Variants in PRKG1 observed in about 807,000 individuals in gnomAD.
PRKG1 encodes cGMP-dependent protein kinase 1.
Under a neutral mutation model 88.1 loss-of-function variants are expected in PRKG1, and 35 were observed. The observed-to-expected ratio is 0.40, with a 90% CI of 0.30 to 0.53. The LOEUF (loss-of-function observed/expected upper bound fraction) is 0.53. PRKG1 is among the 20% of genes least tolerant of loss of function. The pLI, the probability that PRKG1 is intolerant of heterozygous loss-of-function variation, is 0.59. For missense variants in PRKG1, 540 were observed against 839.8 expected (o/e 0.64, Z 4.41); for synonymous variants, 303 against 292.5 (o/e 1.04, Z -0.37).
intron 1 of PRKG1, among the ~76,000 whole-genome samples, chr10:51,087,700 C>T (rs16913674): frequency 0.02 from 3,068 of 152,198 alleles, 96 homozygotes; most frequent in East Asian, 0.14. Flanking sequence ...TAGAGACTAG[C>T]GTGCCTTAGT....
At chr10:51,165,552 C>T (rs1049539893) in intron 2 of PRKG1, among the ~76,000 whole-genome samples, 1 of 152,078 alleles carries the variant, frequency 6.6e-6, no homozygotes, top group Middle Eastern at 3.2e-3. Context: ...ACAATATTAA[C>T]TTTAAATGTA....
rs971430330 is a variant in PRKG1 at position 52,298,188 on chromosome 10, T to C, written c.*4288T>C. On this transcript the variant is annotated 3_prime_UTR_variant, in exon 18 of 18. Coordinates refer to ENST00000373980, the MANE Select transcript of PRKG1 (RefSeq NM_006258.4). ...TTGTTAGTCAGAATGCAACAAACTG[T>C]CATCAAATGGTCATTGACCACTTGC... is the stretch of plus-strand genomic sequence containing the variant. 6.6e-6 allele frequency: 1 copy of C among 152,044 alleles called. No individual in the cohort carries two copies. Among genetic ancestry groups the C allele is most frequent in the Admixed American group, 6.6e-5 (1 of 15,216 alleles). The allele number at this position is 152,044 out of a possible 1,614,324, so 9.4% of individuals were successfully genotyped here.
At chr10:51,294,822 C>T (rs1303030561) in intron 2 of PRKG1, among the ~76,000 whole-genome samples, 1 of 152,092 alleles carries the variant, frequency 6.6e-6, no homozygotes, top group Non-Finnish European at 1.5e-5. Flanking sequence ...TCCAGTAATC[C>T]CATCACTTTA....
chr10:51,699,029 T>G, intron 3 of PRKG1: 1 of 1,614,242 alleles, frequency 6.2e-7, no homozygotes, highest in Non-Finnish European at 8.5e-7. Context: ...TACTTGTGCC[T>G]GCAACAGTGC....
intron 2 of PRKG1, among the ~76,000 whole-genome samples, chr10:51,209,028 C>T (rs1359823207): frequency 6.6e-6 from 1 of 152,116 alleles, no homozygotes; most frequent in African/African-American, 2.4e-5. Flanking sequence ...TAAAATGGGT[C>T]TTAAAAATCA....
intron 3 of PRKG1, among the ~76,000 whole-genome samples, chr10:51,666,095 A>G (rs1840415759): frequency 2.0e-5 from 3 of 152,150 alleles, no homozygotes; most frequent in Admixed American, 2.0e-4. Flanking sequence ...GACAAATGAA[A>G]CCTTATGTTT....
At chr10:51,578,980 GTTTTTTTTT>G (rs752412264) in intron 3 of PRKG1, among the ~76,000 whole-genome samples, 1 of 77,832 alleles carries the variant, frequency 1.3e-5, no homozygotes, top group East Asian at 3.2e-4. Context: ...AGTTCTGTTG[GTTTTTTTTT>G]TTTTTTTTTT....
rs1843895245 is a variant in PRKG1 at position 51,074,542 on chromosome 10, C to G, written c.-49C>G. On this transcript the variant is annotated 5_prime_UTR_variant, in exon 1 of 18. Transcript: ENST00000373980. ...GTTGATCGGAGAGGGGAGGAAGCCT[C>G]AAGACGCGGAGCAGCGGCAGGAAGG... is the stretch of plus-strand genomic sequence containing the variant. 2 of 1,574,530 alleles carry G rather than the reference C, an allele frequency of 1.3e-6. No individual in the cohort carries two copies. Among genetic ancestry groups the G allele is most frequent in the Admixed American group, 3.5e-5 (2 of 57,522 alleles).
At chr10:51,750,142 G>T (rs530515724) in intron 3 of PRKG1, among the ~76,000 whole-genome samples, 82 of 151,948 alleles carry the variant, frequency 5.4e-4, no homozygotes, top group African/African-American at 1.8e-3. Flanking sequence ...CATCATATTG[G>T]CCAGGCTGGT....
intron 2 of PRKG1, among the ~76,000 whole-genome samples, chr10:51,348,271 G>A (rs879268379): frequency 1.3e-5 from 2 of 152,066 alleles, no homozygotes; most frequent in African/African-American, 4.8e-5. Context: ...AAACCGATAT[G>A]TGCAATCATC....
intron 3 of PRKG1, among the ~76,000 whole-genome samples, chr10:51,511,198 T>C (rs1233813186): frequency 2.6e-5 from 4 of 152,162 alleles, no homozygotes; most frequent in Non-Finnish European, 5.9e-5. Context: ...CATTCACTCT[T>C]CTTGGATAAA....
At chr10:51,493,224 A>T (rs1554815555) in intron 3 of PRKG1, among the ~76,000 whole-genome samples, 2 of 152,148 alleles carry the variant, frequency 1.3e-5, no homozygotes, top group Non-Finnish European at 2.9e-5. Context: ...AGGATTAGCA[A>T]TTTTTTAATC....
chr10:51,104,636 C>T (rs1844775566), intron 1 of PRKG1, among the ~76,000 whole-genome samples: 1 of 152,110 alleles, frequency 6.6e-6, no homozygotes, highest in Admixed American at 6.5e-5. Flanking sequence ...TCTTGTGCCT[C>T]AGCCTCTGGA....
intron 2 of PRKG1, among the ~76,000 whole-genome samples, chr10:51,212,819 A>G (rs1481719752): frequency 6.6e-6 from 1 of 152,210 alleles, no homozygotes; most frequent in Non-Finnish European, 1.5e-5. Flanking sequence ...AGGAAACAAC[A>G]GGTGCTGGAG....
intron 3 of PRKG1, among the ~76,000 whole-genome samples, chr10:51,500,361 C>T (rs1840987488): frequency 6.6e-6 from 1 of 152,160 alleles, no homozygotes; most frequent in South Asian, 2.1e-4. Context: ...TTTAAAATCT[C>T]CTGCTACCAC....
chr10:52,240,699 A>G (rs903438523), intron 9 of PRKG1, among the ~76,000 whole-genome samples: 1 of 152,132 alleles, frequency 6.6e-6, no homozygotes, highest in Non-Finnish European at 1.5e-5. Context: ...ACAACTTAAC[A>G]TGGTAAAAAT....
rs1554827087 is a variant in PRKG1, at chr10:51,628,974, A to AAAAC, written c.592+161141_592+161142insCAAA. Among the ~76,000 whole-genome samples, 413 of 141,928 alleles carry AAAAC rather than the reference A, an allele frequency of 2.9e-3. 3 individuals are homozygous for AAAAC. Among genetic ancestry groups the AAAAC allele is most frequent in the Admixed American group, 6.7e-3 (94 of 14,098 alleles). The allele number at this position is 141,928 out of a possible 152,430, so 93.1% of individuals were successfully genotyped here. A position where few individuals can be genotyped will look rare whatever the true frequency, so the allele number is the denominator to read the frequency against. On this transcript the variant is annotated intron_variant, in intron 3 of 17. Transcript: ENST00000373980. ...GAGCGAGACTCCGTCTCAAAAAAAA[A>AAAAC]AAAAACAAAAACAAAAACCAAAAAA... is the stretch of plus-strand genomic sequence containing the variant.
intron 4 of PRKG1, among the ~76,000 whole-genome samples, chr10:51,876,437 T>C (rs915027586): frequency 6.6e-6 from 1 of 152,256 alleles, no homozygotes; most frequent in Non-Finnish European, 1.5e-5. Flanking sequence ...GATGGAAATG[T>C]GTAGTGTAGT....
intron 2 of PRKG1, among the ~76,000 whole-genome samples, chr10:51,398,213 G>T (rs114555946): frequency 6.6e-6 from 1 of 152,148 alleles, no homozygotes. Context: ...AGGGTTGGGT[G>T]GGGGGATGGT....
Sources: allele counts gnomAD v4.1 joint callset (sites outside exome capture counted in the v4.1 genomes callset), GRCh38; gene constraint gnomAD v4.1.1; transcripts MANE v1.5; gene names NCBI Gene and HGNC (gene_info 2026-07-23, HGNC 2026-07-21).